The following HMX1 variants were observed in gnomAD, a reference collection of about 807,000 sequenced individuals.
HMX1 encodes homeobox protein HMX1.
HMX1 carries 8 observed loss-of-function variants against 8.9 expected under a neutral mutation model. The observed-to-expected ratio is 0.90, with a 90% confidence interval of 0.53 to 1.63. The LOEUF (loss-of-function observed/expected upper bound fraction) is 1.63. Ranked by LOEUF, HMX1 falls within the 40% of genes most tolerant of loss-of-function variation. The probability of loss-of-function intolerance (pLI) is 0.00; values close to 1 mark genes in which losing one functional copy is unlikely to be tolerated. For missense variants in HMX1, 621 were observed against 558.5 expected (o/e 1.11, Z -1.13); for synonymous variants, 311 against 283.4 (o/e 1.10, Z -0.98).
In HMX1 at chr4:8,869,710, C is replaced by T. The variant is rs185042023; in HGVS notation, c.395-1365G>A. Among the ~76,000 whole-genome samples the T allele has an allele frequency of 7.2e-4, 107 of 148,998 alleles. 3 individuals carry two copies. The East Asian group carries it at 0.017, about 24-fold the overall frequency. On this transcript the variant is annotated intron_variant, in intron 1 of 1. Coordinates refer to ENST00000400677, the MANE Select transcript of HMX1 (RefSeq NM_018942.3). Reference sequence around the variant, plus strand: ...TACTAGATCTGGGGAGTCCCTGCCTCCCCCCAATACCCCAAACTCACAGAG... The same window carrying T: ...TACTAGATCTGGGGAGTCCCTGCCTTCCCCCAATACCCCAAACTCACAGAG...
In HMX1 at chr4:8,858,284, G is replaced by C. The variant is rs142266447; in HGVS notation, c.395-11960C>G. 4.1e-3 allele frequency among the ~76,000 whole-genome samples: 631 copies of C among 152,238 alleles called. 4 individuals carry two copies. Among genetic ancestry groups the C allele is most frequent in the Non-Finnish European group, 3.8e-3 (257 of 68,032 alleles). ...AAAGGCGCAGCGGCGACCGCGGGAG[G>C]GGGTGAGAAGCCGAGGCAGAGAGGT... On this transcript the variant is annotated intron_variant, in intron 1 of 1. Coordinates refer to the HMX1 transcript ENST00000506970.
rs1438301632 is a variant in HMX1 at position 8,868,289 on chromosome 4, A to G, written c.451T>C (p.Trp151Arg). The G allele has an allele frequency of 6.9e-7, 1 of 1,441,310 alleles. No homozygotes were observed. The highest frequency in any genetic ancestry group is 9.1e-7 in the Non-Finnish European group (1 of 1,103,248). The allele number at this position is 1,441,310 out of a possible 1,614,324, so 89.3% of individuals were successfully genotyped here. The change falls in exon 2 of 2, where the codon TGG becomes CGG. Residue 151 changes from tryptophan to arginine, a missense_variant. By Grantham distance (101) the Trp-to-Arg change is moderately radical (BLOSUM62 -3). Coordinates refer to ENST00000400677, the MANE Select transcript of HMX1 (RefSeq NM_018942.3). The surrounding 1 kb of genome is among the most constrained non-coding windows in gnomAD (Gnocchi z 4.6). ...GCTCCCGGCCCGGGGCCTCGCGGCC[A>G]GGCGCCCTCCGCACGGCCCATCTCC... ...GEEMGRAEGA[W>R]PRGPGPGAVQ...
chr4:8,849,437 A>G lies in HMX1; in HGVS notation c.395-3113T>C, dbSNP rs1156934089. ...GGCACCACGTGGCCTTGAGCCACAG[A>G]TTGCCAGATGCCATCAGAAGCTGGA... On this transcript the variant is annotated intron_variant, in intron 1 of 1. Transcript: ENST00000506970. This position sits in a 1 kb window ranked among gnomAD's most constrained non-coding sequence, Gnocchi z 6.6. Among the ~76,000 whole-genome samples the G allele has an allele frequency of 6.6e-6, 1 of 151,966 alleles. No homozygotes were observed. Among genetic ancestry groups the G allele is most frequent in the Non-Finnish European group, 1.5e-5 (1 of 68,014 alleles).
chr4:8,857,373 C>T (rs1338080758), intron 1 of HMX1, among the ~76,000 whole-genome samples: 1 of 152,156 alleles, frequency 6.6e-6, no homozygotes, highest in African/African-American at 2.4e-5. Flanking sequence ...CCCGTGGGGC[C>T]CCCTCCCCAG....
At position 8,867,687 on chromosome 4, in the gene HMX1, C is replaced by A. The variant is rs1404938410; in HGVS notation, c.*6G>T. On this transcript the variant is annotated 3_prime_UTR_variant, in exon 2 of 2. Transcript: ENST00000400677. ...GGTCGTGGGGAGAGGGCCCGGCAGG[C>A]GGGGCTCACACCAGGCCAGGCATCT... 4 of 1,244,786 alleles carry A rather than the reference C, an allele frequency of 3.2e-6. No individual in the cohort carries two copies. The African/African-American group carries it at 4.7e-5, about 15-fold the overall frequency. 77.1% of individuals were successfully genotyped at this position (1,244,786 alleles called of 1,614,324 possible).
chr4:8,854,878 C>G (rs138648321), intron 1 of HMX1, among the ~76,000 whole-genome samples: 2,204 of 152,322 alleles, frequency 0.014, 24 homozygotes, highest in Middle Eastern at 0.027. Context: ...ATTCTACTTC[C>G]TAAAATGAAT....
chr4:8,858,002 A>G (rs1160113034), intron 1 of HMX1, among the ~76,000 whole-genome samples: 1 of 151,634 alleles, frequency 6.6e-6, no homozygotes, highest in Non-Finnish European at 1.5e-5. Flanking sequence ...TTTTAACGAA[A>G]AAGAAGTTGA....
In HMX1 at chr4:8,849,302, G is replaced by A. The variant is rs1220474722; in HGVS notation, c.395-2978C>T. Reference sequence around the variant, plus strand: ...CCTGAGGTAAGCAAGCTGAAATGCAGGCAGGGCCCTACCCCAAGCTGAGTG... The same window carrying A: ...CCTGAGGTAAGCAAGCTGAAATGCAAGCAGGGCCCTACCCCAAGCTGAGTG... On this transcript the variant is annotated intron_variant, in intron 1 of 1. Coordinates refer to the HMX1 transcript ENST00000506970. The surrounding 1 kb of genome is among the most constrained non-coding windows in gnomAD (Gnocchi z 6.6). Among the ~76,000 whole-genome samples, 1 of 152,030 alleles carries A rather than the reference G, an allele frequency of 6.6e-6. No individual in the cohort carries two copies. The highest frequency in any genetic ancestry group is 1.5e-5 in the Non-Finnish European group (1 of 68,006).
chr4:8,870,370 A>G lies in HMX1; in HGVS notation c.394+851T>C, dbSNP rs1273476452. 6.6e-6 allele frequency among the ~76,000 whole-genome samples: 1 copy of G among 151,512 alleles called. No individual in the cohort carries two copies. The highest frequency in any genetic ancestry group is 1.5e-5 in the Non-Finnish European group (1 of 67,906). On this transcript the variant is annotated intron_variant, in intron 1 of 1. Coordinates refer to ENST00000400677, the MANE Select transcript of HMX1 (RefSeq NM_018942.3). This position sits in a 1 kb window ranked among gnomAD's most constrained non-coding sequence, Gnocchi z 4.4. ...GGGAAGCAGAACTAAGGGGTCAGAT[A>G]CCCAAGCAAGGGGGCAAAGGGGTTC...
In HMX1 at chr4:8,867,760, G is replaced by A. The variant is rs1316983497; in HGVS notation, c.980C>T (p.Pro327Leu). The A allele has an allele frequency of 1.6e-6, 2 of 1,283,188 alleles. No individual in the cohort carries two copies. Among genetic ancestry groups the A allele is most frequent in the Non-Finnish European group, 2.0e-6 (2 of 1,018,698 alleles). 79.5% of individuals were successfully genotyped at this position (1,283,188 alleles called of 1,614,324 possible). The change falls in exon 2 of 2, where the codon CCG becomes CTG. Residue 327 changes from proline to leucine, a missense_variant. Transcript: ENST00000400677. ...LLGFSGALAY[P>L]LAAFPAAASV... is the part of the protein sequence containing the mutation. ...GGCGGCGGCCGGGAAGGCGGCCAGC[G>A]GGTAGGCGAGGGCCCCGGAGAAGCC... is the stretch of plus-strand genomic sequence containing the variant.
intron 1 of HMX1, among the ~76,000 whole-genome samples, chr4:8,861,344 C>T (rs1012399196): frequency 1.3e-5 from 2 of 152,218 alleles, no homozygotes; most frequent in African/African-American, 4.8e-5. Flanking sequence ...CGCCGCTGCG[C>T]CCCGGAGGCC....
chr4:8,871,199 C>A lies in HMX1; in HGVS notation c.394+22G>T. The A allele has an allele frequency of 7.1e-7, 1 of 1,404,540 alleles. No homozygotes were observed. The highest frequency in any genetic ancestry group is 9.2e-7 in the Non-Finnish European group (1 of 1,086,100). 87.0% of individuals were successfully genotyped at this position (1,404,540 alleles called of 1,614,324 possible). A position where few individuals can be genotyped will look rare whatever the true frequency, so the allele number is the denominator to read the frequency against. On this transcript the variant is annotated intron_variant, in intron 1 of 1. Coordinates refer to ENST00000400677, the MANE Select transcript of HMX1 (RefSeq NM_018942.3). This position sits in a 1 kb window ranked among gnomAD's most constrained non-coding sequence, Gnocchi z 4.8. ...AAGTCGGGCCCCACCGCCTGACCCA[C>A]CCTCCCCGCGCCCTCACTCACTGTC...
chr4:8,863,396 C>T (rs1721894914), downstream of HMX1, among the ~76,000 whole-genome samples: 1 of 152,236 alleles, frequency 6.6e-6, no homozygotes, highest in Non-Finnish European at 1.5e-5. Context: ...CCTGGTGCTG[C>T]TCACCCAGCC....
chr4:8,866,693 G>A (rs941103098), downstream of HMX1, among the ~76,000 whole-genome samples: 19 of 152,354 alleles, frequency 1.2e-4, no homozygotes, highest in African/African-American at 4.3e-4. Context: ...GGAAATGGCT[G>A]TGCACACGGG....
Position 8,849,560 on chromosome 4 carries a change from C to G in HMX1, c.395-3236G>C, listed in dbSNP as rs961891991. Among the ~76,000 whole-genome samples the G allele has an allele frequency of 1.3e-5, 2 of 152,170 alleles. No individual in the cohort carries two copies. The highest frequency in any genetic ancestry group is 4.8e-5 in the African/African-American group (2 of 41,470). On this transcript the variant is annotated intron_variant, in intron 1 of 1. Transcript: ENST00000506970. The surrounding 1 kb of genome is among the most constrained non-coding windows in gnomAD (Gnocchi z 6.6). The stretch of plus-strand genomic sequence containing the variant: ...TGGTCCCCAGAACTGCAAGATAAAA[C>G]ATTTCAATTGTCTGAAGCCCATTGC...
Position 8,867,398 on chromosome 4 carries a change from C to T in HMX1, c.*295G>A, listed in dbSNP as rs866645038. Reference sequence around the variant, plus strand: ...GGTGGCCATGGCCGACCGCTCCTCGCTGAGGCCGGGGGGTGGCCGTGGCGC... The same window carrying T: ...GGTGGCCATGGCCGACCGCTCCTCGTTGAGGCCGGGGGGTGGCCGTGGCGC... On this transcript the variant is annotated 3_prime_UTR_variant, in exon 2 of 2. Transcript: ENST00000400677. 29 of 1,064,500 alleles carry T rather than the reference C, an allele frequency of 2.7e-5. No individual in the cohort carries two copies. In the African/African-American group the frequency reaches 4.8e-4, roughly 18 times the overall value. The allele number at this position is 1,064,500 out of a possible 1,614,324, so 65.9% of individuals were successfully genotyped here. A position where few individuals can be genotyped will look rare whatever the true frequency, so the allele number is the denominator to read the frequency against.
chr4:8,862,137 C>A (rs1024846288), downstream of HMX1, among the ~76,000 whole-genome samples: 3 of 152,222 alleles, frequency 2.0e-5, no homozygotes, highest in African/African-American at 7.2e-5. Flanking sequence ...GGGCGGAGGC[C>A]GGGAAAGCTG....
rs922603696 is a variant in HMX1, at chr4:8,849,348, C to A, written c.395-3024G>T. Among the ~76,000 whole-genome samples, 3 of 152,010 alleles carry A rather than the reference C, an allele frequency of 2.0e-5. No homozygotes were observed. Among genetic ancestry groups the A allele is most frequent in the Non-Finnish European group, 4.4e-5 (3 of 68,030 alleles). On this transcript the variant is annotated intron_variant, in intron 1 of 1. Transcript: ENST00000506970. The surrounding 1 kb of genome is among the most constrained non-coding windows in gnomAD (Gnocchi z 6.6). ...GAGTGGTGTGTGAGGACAAAGAGAA[C>A]TTTGGACACAGACTCACTAGAGGCA...
At chr4:8,862,600 CT>C (rs964137813), downstream of HMX1, among the ~76,000 whole-genome samples, 6 of 152,272 alleles carry the variant, frequency 3.9e-5, no homozygotes, top group South Asian at 2.1e-4. Flanking sequence ...CTGATAATAA[CT>C]TTTTTTAAAA....
Sources: gnomAD v4.1 joint callset for allele counts (sites outside exome capture counted in the v4.1 genomes callset) on GRCh38, gnomAD v4.1.1 for gene constraint, Gnocchi (gnomAD v3.1) non-coding constraint, MANE v1.5 for transcripts, NCBI Gene and HGNC (gene_info 2026-07-23, HGNC 2026-07-21) for gene names.